Variants in MYO9A observed in about 807,000 individuals in gnomAD.
MYO9A encodes the protein unconventional myosin-IXa.
A neutral mutation model predicts 293.3 loss-of-function variants in MYO9A; 103 were observed. The ratio of observed to expected loss-of-function variants is 0.35; its 90% CI spans 0.30 to 0.41. The LOEUF is 0.41. MYO9A is among the 10% of genes least tolerant of loss of function. The pLI is 1.00. For missense variants in MYO9A, 2,685 were observed against 3,033.0 expected, an observed-to-expected ratio of 0.89 and a Z score of 2.69; for synonymous variants, 1,001 against 1,035.7, an observed-to-expected ratio of 0.97 and a Z score of 0.64.
chr15:71,827,838 C>G, intron 41 of MYO9A, 46 bp downstream of exon 41: 1 of 1,566,836 alleles, frequency 6.4e-7, no homozygotes, highest in Non-Finnish European at 8.6e-7. Flanking sequence ...TTTATTCCTC[C>G]TTTGCAAAAC....
At chr15:71,940,485 C>T (rs1010539860) in intron 15 of MYO9A, among the ~76,000 whole-genome samples, 20 of 151,910 alleles carry the variant, frequency 1.3e-4, no homozygotes, top group African/African-American at 4.8e-4. Context: ...GAGTGAGACC[C>T]TGTCTTGGAG....
chr15:71,960,102 T>C lies in MYO9A; in HGVS notation c.1987-6A>G, dbSNP rs200246273. The C allele has an allele frequency of 1.4e-3, 2,258 of 1,611,886 alleles. 8 individuals carry two copies. Among genetic ancestry groups the C allele is most frequent in the South Asian group, 2.2e-3 (196 of 90,744 alleles). ...GTATTTTTTTCCCGGAAATCCTATATGAAAAAAGTACCAGTGTTACTTATG... is the reference window on the plus strand; with the variant it reads ...GTATTTTTTTCCCGGAAATCCTATACGAAAAAAGTACCAGTGTTACTTATG... On this transcript the variant is annotated splice_region_variant and splice_polypyrimidine_tract_variant and intron_variant, in intron 13 of 41. Coordinates refer to ENST00000356056, the MANE Select transcript of MYO9A (RefSeq NM_006901.4).
chr15:72,014,735 G>T (rs1374804126), intron 6 of MYO9A, among the ~76,000 whole-genome samples: 1 of 147,372 alleles, frequency 6.8e-6, no homozygotes, highest in Non-Finnish European at 1.5e-5. Context: ...AGAAGAGAGA[G>T]AGAGAGAAAG....
At chr15:72,089,286 C>A (rs575040550) in intron 1 of MYO9A, among the ~76,000 whole-genome samples, 2 of 152,242 alleles carry the variant, frequency 1.3e-5, no homozygotes, top group African/African-American at 4.8e-5. Context: ...CCTCAGCCAC[C>A]CCAATAGCTA....
intron 2 of MYO9A, among the ~76,000 whole-genome samples, chr15:72,034,779 C>T (rs187024267): frequency 6.6e-6 from 1 of 152,260 alleles, no homozygotes; most frequent in East Asian, 1.9e-4. Context: ...CTTGGAGATA[C>T]GAAATATGGA....
intron 1 of MYO9A, among the ~76,000 whole-genome samples, chr15:72,060,169 A>T (rs1452384502): frequency 6.6e-6 from 1 of 152,016 alleles, no homozygotes; most frequent in Non-Finnish European, 1.5e-5. Context: ...TTCTGTATTT[A>T]TTTATTTATT....
chr15:72,105,948 TA>T (rs2080552255), intron 1 of MYO9A, among the ~76,000 whole-genome samples: 1 of 151,970 alleles, frequency 6.6e-6, no homozygotes, highest in African/African-American at 2.4e-5. Flanking sequence ...TGTGTCTCCG[TA>T]AAAAAGAATG....
intron 39 of MYO9A, among the ~76,000 whole-genome samples, chr15:71,835,376 G>C (rs1199368930): frequency 6.6e-6 from 1 of 152,092 alleles, no homozygotes. Flanking sequence ...TGATATGACT[G>C]TACAGGTAGA....
chr15:71,941,878 A>G (rs968122376), intron 15 of MYO9A, among the ~76,000 whole-genome samples: 9 of 152,166 alleles, frequency 5.9e-5, no homozygotes, highest in Non-Finnish European at 1.2e-4. Context: ...AAAATTTGAT[A>G]GTTTGTAATG....
rs535382003 is a variant in MYO9A at position 72,032,427 on chromosome 15, A to G, written c.935+67T>C. The G allele has an allele frequency of 8.3e-5, 85 of 1,023,832 alleles. 1 individual carries two copies. In the Admixed American group the frequency reaches 1.0e-3, roughly 13 times the overall value. The allele number at this position is 1,023,832 out of a possible 1,614,324, so 63.4% of individuals were successfully genotyped here. ...TCTGGGAATGAACAATACATAGTTT[A>G]TAAAAGGGTAAAGACAAAAATTAAA... is the stretch of plus-strand genomic sequence containing the variant. On this transcript the variant is annotated intron_variant, in intron 3 of 41. Transcript: ENST00000356056.
Position 71,850,104 on chromosome 15 carries a change from G to T in MYO9A, c.6645C>A (p.Pro2215=). 1.2e-6 allele frequency: 2 copies of T among 1,614,116 alleles called. No homozygotes were observed. Among genetic ancestry groups the T allele is most frequent in the Non-Finnish European group, 1.7e-6 (2 of 1,179,964 alleles). Residue 2215 remains proline (P), a synonymous_variant, in exon 38 of 42, where the codon CCC becomes CCA. Coordinates refer to ENST00000356056, the MANE Select transcript of MYO9A (RefSeq NM_006901.4). ...SANALAIVFA[P]CILRCPDTTD... ...TGGTGTCAGGGCAGCGGAGAATGCA[G>T]GGCGCAAACACAATGGCCAAAGCAT...
chr15:72,058,685 T>C (rs2078791991), intron 1 of MYO9A, among the ~76,000 whole-genome samples: 1 of 152,192 alleles, frequency 6.6e-6, no homozygotes, highest in Non-Finnish European at 1.5e-5. Context: ...ACTTCAAAAG[T>C]ATATGCTAAC....
intron 4 of MYO9A, among the ~76,000 whole-genome samples, chr15:72,023,392 G>A (rs2077561635): frequency 6.6e-6 from 1 of 152,086 alleles, no homozygotes; most frequent in African/African-American, 2.4e-5. Context: ...AGGTGGAGGT[G>A]GGTGGATCAC....
intron 14 of MYO9A, among the ~76,000 whole-genome samples, chr15:71,952,181 A>C (rs2059067186): frequency 6.6e-6 from 1 of 151,904 alleles, no homozygotes; most frequent in African/African-American, 2.4e-5. Context: ...TACAAGCAAA[A>C]ATTCAAAAGC....
intron 34 of MYO9A, among the ~76,000 whole-genome samples, chr15:71,856,332 G>C (rs925352698): frequency 6.6e-6 from 1 of 151,806 alleles, no homozygotes; most frequent in African/African-American, 2.4e-5. Flanking sequence ...AAAAGAAAAA[G>C]ACTAGTAGTG....
rs2079467455 is a variant in MYO9A, at chr15:72,079,320, A to C, written c.-71-32686T>G. 2.0e-5 allele frequency among the ~76,000 whole-genome samples: 3 copies of C among 152,134 alleles called. No homozygotes were observed. The South Asian group carries it at 6.2e-4, about 32-fold the overall frequency. On this transcript the variant is annotated intron_variant, in intron 1 of 41. Transcript: ENST00000356056. ...TATTAAAAATAAAAGAAAATTTAAA[A>C]TTTTAAAAATAAAGTATATTAATTA... is the stretch of plus-strand genomic sequence containing the variant.
At position 72,093,841 on chromosome 15, in the gene MYO9A, T is replaced by G. The variant is rs2079994430; in HGVS notation, c.-72+23839A>C. ...GGCGGAGGTTGCAGTGAGCCGAGAC[T>G]GTGCCACTGCACTCCAGCCTGGGCA... On this transcript the variant is annotated intron_variant, in intron 1 of 41. Coordinates refer to ENST00000356056, the MANE Select transcript of MYO9A (RefSeq NM_006901.4). Among the ~76,000 whole-genome samples, 3 of 87,902 alleles carry G rather than the reference T, an allele frequency of 3.4e-5. 1 individual carries two copies. The Admixed American group carries it at 3.8e-4, about 11-fold the overall frequency. 57.7% of individuals were successfully genotyped at this position (87,902 alleles called of 152,430 possible). A position where few individuals can be genotyped will look rare whatever the true frequency, so the allele number is the denominator to read the frequency against.
rs574778616 is a variant in MYO9A at position 71,855,199 on chromosome 15, G to A, written c.6154-630C>T. The stretch of plus-strand genomic sequence containing the variant: ...CACCCAGGCTGGAGTGCAGTGATGC[G>A]ATCTCAGCTCACTGCAACCTCCACC... On this transcript the variant is annotated intron_variant, in intron 34 of 41. Coordinates refer to ENST00000356056, the MANE Select transcript of MYO9A (RefSeq NM_006901.4). Among the ~76,000 whole-genome samples, 35 of 152,168 alleles carry A rather than the reference G, an allele frequency of 2.3e-4. No homozygotes were observed. The East Asian group carries it at 5.2e-3, about 23-fold the overall frequency.
chr15:71,917,561 T>C (rs1280997517), intron 18 of MYO9A, among the ~76,000 whole-genome samples: 3 of 151,968 alleles, frequency 2.0e-5, no homozygotes, highest in African/African-American at 7.2e-5. Context: ...AACCAAAGCA[T>C]AGTCCCTATT....
Sources: allele counts gnomAD v4.1 joint callset (sites outside exome capture counted in the v4.1 genomes callset), GRCh38; gene constraint gnomAD v4.1.1; transcripts MANE v1.5; gene names NCBI Gene and HGNC (gene_info 2026-07-23, HGNC 2026-07-21).